MCMDC2: variants seen among roughly 807,000 people sequenced by gnomAD.
MCMDC2 encodes the protein minichromosome maintenance domain-containing protein 2.
Under a neutral mutation model 75.8 loss-of-function variants are expected in MCMDC2, and 54 were observed. That is an observed-to-expected ratio of 0.71 (90% CI 0.57 to 0.89). The LOEUF (loss-of-function observed/expected upper bound fraction) is 0.89, where lower values mean the gene tolerates loss of function less well. Among genes scored for constraint, MCMDC2 ranks in the 40% least tolerant of loss-of-function variants. The pLI, the probability that MCMDC2 is intolerant of heterozygous loss-of-function variation, is 0.00. For missense variants in MCMDC2, 656 were observed against 780.4 expected, an observed-to-expected ratio of 0.84 and a Z score of 1.90; for synonymous variants, 249 against 274.6, an observed-to-expected ratio of 0.91 and a Z score of 0.92.
chr8:66,873,060 G>T (rs1811102014), intron 1 of MCMDC2, among the ~76,000 whole-genome samples: 1 of 151,742 alleles, frequency 6.6e-6, no homozygotes, highest in Non-Finnish European at 1.5e-5. Context: ...TGAAAGGCAG[G>T]ATCCAATCTT....
chr8:66,902,711 A>AAAAAAAAAAAAT (rs1467425752), intron 13 of MCMDC2, among the ~76,000 whole-genome samples: 3 of 67,916 alleles, frequency 4.4e-5, no homozygotes, highest in African/African-American at 2.2e-4. Context: ...AAAAAAAAAA[A>AAAAAAAAAAAAT]ATATATATAT....
intron 9 of MCMDC2, among the ~76,000 whole-genome samples, chr8:66,886,057 C>G (rs1468697912): frequency 6.6e-6 from 1 of 151,624 alleles, no homozygotes; most frequent in Non-Finnish European, 1.5e-5. Context: ...AATAAAGCTG[C>G]TGTAAACATT....
intron 7 of MCMDC2, 106 bp from the exon 8 acceptor site, chr8:66,880,743 A>C: frequency 8.9e-7 from 1 of 1,118,652 alleles, no homozygotes; most frequent in South Asian, 2.8e-5. Context: ...AATACTCCTA[A>C]CTCAACTACT....
chr8:66,886,523 A>C (rs918331029), intron 9 of MCMDC2, among the ~76,000 whole-genome samples: 6 of 152,112 alleles, frequency 3.9e-5, no homozygotes, highest in African/African-American at 1.4e-4. Context: ...CTGTAATCTC[A>C]GCACTTTGGG....
chr8:66,897,667 C>T (rs1021256367), intron 12 of MCMDC2, among the ~76,000 whole-genome samples: 4 of 152,112 alleles, frequency 2.6e-5, no homozygotes, highest in South Asian at 2.1e-4. Context: ...TAGATGAATA[C>T]CTTCGAGTCC....
chr8:66,909,138 T>C (rs1813012425), intron 14 of MCMDC2, among the ~76,000 whole-genome samples: 1 of 152,198 alleles, frequency 6.6e-6, no homozygotes, highest in South Asian at 2.1e-4. Flanking sequence ...CGCTTGGCAG[T>C]TCTCCTTCCT....
chr8:66,918,983 CTA>C lies in MCMDC2; in HGVS notation c.1880-18_1880-17del. 5 of 1,477,140 alleles carry C rather than the reference CTA, an allele frequency of 3.4e-6. No individual in the cohort carries two copies. Among genetic ancestry groups the C allele is most frequent in the Non-Finnish European group, 4.5e-6 (5 of 1,108,974 alleles). 91.5% of individuals were successfully genotyped at this position (1,477,140 alleles called of 1,614,324 possible). ...TTAAGGAGTATTTGTCATTTACACTCTATTATCTTCTTCATTTAGGGGCCACT... is the reference window on the plus strand; with the variant it reads ...TTAAGGAGTATTTGTCATTTACACTCTTATCTTCTTCATTTAGGGGCCACT... On this transcript the variant is annotated intron_variant, in intron 14 of 14. Coordinates refer to ENST00000422365, the MANE Select transcript of MCMDC2 (RefSeq NM_173518.5).
intron 9 of MCMDC2, among the ~76,000 whole-genome samples, chr8:66,889,886 T>C (rs954083745): frequency 6.6e-6 from 1 of 152,116 alleles, no homozygotes; most frequent in South Asian, 2.1e-4. Context: ...AACCCCATAA[T>C]TGCCATGACA....
intron 14 of MCMDC2, among the ~76,000 whole-genome samples, chr8:66,907,159 C>T (rs1048408795): frequency 1.3e-5 from 2 of 151,972 alleles, no homozygotes; most frequent in Non-Finnish European, 2.9e-5. Flanking sequence ...GTTTGCTGCA[C>T]CTATCAACCT....
At chr8:66,917,465 G>A (rs1813366344) in intron 14 of MCMDC2, among the ~76,000 whole-genome samples, 1 of 152,120 alleles carries the variant, frequency 6.6e-6, no homozygotes, top group Admixed American at 6.5e-5. Context: ...AGTGTGTTTA[G>A]TACATTCACA....
At chr8:66,903,334 T>C (rs1812782045) in intron 13 of MCMDC2, among the ~76,000 whole-genome samples, 1 of 151,088 alleles carries the variant, frequency 6.6e-6, no homozygotes, top group African/African-American at 2.4e-5. Context: ...TACAGATTTA[T>C]ACTTGACATT....
At chr8:66,873,178 A>G (rs1056713654) in intron 1 of MCMDC2, among the ~76,000 whole-genome samples, 1 of 152,124 alleles carries the variant, frequency 6.6e-6, no homozygotes, top group African/African-American at 2.4e-5. Context: ...TGAATTTCAC[A>G]TATTCCATTC....
At chr8:66,923,236 C>T (rs1168892606), downstream of MCMDC2, among the ~76,000 whole-genome samples, 10 of 152,236 alleles carry the variant, frequency 6.6e-5, no homozygotes, top group South Asian at 2.1e-3. Context: ...AGTTTCAGAG[C>T]AGGGATACCT....
rs1466782076 is a variant in MCMDC2 at position 66,921,266 on chromosome 8, G to A, written c.*2097G>A. 1 of 152,144 alleles carries A rather than the reference G, an allele frequency of 6.6e-6. No individual in the cohort carries two copies. The highest frequency in any genetic ancestry group is 2.4e-5 in the African/African-American group (1 of 41,446). The allele number at this position is 152,144 out of a possible 1,614,324, so 9.4% of individuals were successfully genotyped here. A position where few individuals can be genotyped will look rare whatever the true frequency, so the allele number is the denominator to read the frequency against. On this transcript the variant is annotated 3_prime_UTR_variant, in exon 15 of 15. Coordinates refer to ENST00000422365, the MANE Select transcript of MCMDC2 (RefSeq NM_173518.5). ...AGAATTAGAAGGGGGTGGGGTGCAG[G>A]ACGAAAAATTAATGGGTGCAATGTA...
intron 14 of MCMDC2, among the ~76,000 whole-genome samples, chr8:66,916,643 G>A (rs1262939001): frequency 6.6e-6 from 1 of 152,162 alleles, no homozygotes; most frequent in African/African-American, 2.4e-5. Flanking sequence ...GGAGTGGAGG[G>A]ACTGGCTAAA....
chr8:66,905,629 A>G (rs1812875609), intron 14 of MCMDC2, among the ~76,000 whole-genome samples: 1 of 152,192 alleles, frequency 6.6e-6, no homozygotes, highest in African/African-American at 2.4e-5. Context: ...AAATGATTTT[A>G]ATTTATCTTC....
At chr8:66,915,052 G>C (rs1188422158) in intron 14 of MCMDC2, among the ~76,000 whole-genome samples, 1 of 152,150 alleles carries the variant, frequency 6.6e-6, no homozygotes, top group Non-Finnish European at 1.5e-5. Context: ...TCTATAGGCT[G>C]AGCACAGTGG....
At chr8:66,872,682 G>T (rs552328706) in intron 1 of MCMDC2, among the ~76,000 whole-genome samples, 1 of 152,060 alleles carries the variant, frequency 6.6e-6, no homozygotes, top group Non-Finnish European at 1.5e-5. Flanking sequence ...ATGAGGCCGG[G>T]TGCGGTGGCT....
At chr8:66,873,002 C>T (rs1051268455) in intron 1 of MCMDC2, among the ~76,000 whole-genome samples, 15 of 146,098 alleles carry the variant, frequency 1.0e-4, no homozygotes, top group Non-Finnish European at 4.5e-5. Flanking sequence ...GAATGAATAA[C>T]GTGTTAGTCA....
Sources: allele counts gnomAD v4.1 joint callset (sites outside exome capture counted in the v4.1 genomes callset), GRCh38; gene constraint gnomAD v4.1.1; transcripts MANE v1.5; gene names NCBI Gene and HGNC (gene_info 2026-07-23, HGNC 2026-07-21).